Variants in LRRK1 observed in about 807,000 individuals in gnomAD.
LRRK1 encodes leucine-rich repeat serine/threonine-protein kinase 1.
LRRK1 carries 113 observed loss-of-function variants against 209.1 expected under a neutral mutation model. The observed-to-expected ratio is 0.54, with a 90% CI of 0.46 to 0.63. The LOEUF is 0.63. LRRK1 is among the 30% of genes least tolerant of loss of function. The pLI is 0.00. For synonymous variants in LRRK1, 1,144 were observed against 1,099.7 expected (o/e 1.04, Z -0.80); for missense variants, 2,284 against 2,632.2 (o/e 0.87, Z 2.89).
chr15:100,927,743 A>G (rs566492318), intron 2 of LRRK1, among the ~76,000 whole-genome samples: 57 of 152,310 alleles, frequency 3.7e-4, no homozygotes, highest in Non-Finnish European at 5.6e-4. Flanking sequence ...CCAAATCCTC[A>G]TAAGGAATCT....
At chr15:101,030,980 T>C (rs4965763) in intron 20 of LRRK1, among the ~76,000 whole-genome samples, 147,741 of 152,256 alleles carry the variant, frequency 0.97, 71,833 homozygotes, top group East Asian at 1. Context: ...AGCTTAGCTC[T>C]CACATATCAG....
chr15:101,049,159 T>C (rs2035252407), intron 22 of LRRK1, among the ~76,000 whole-genome samples: 1 of 152,150 alleles, frequency 6.6e-6, no homozygotes, highest in African/African-American at 2.4e-5. Flanking sequence ...CCCAACAGGT[T>C]TAACGAATGA....
chr15:100,973,279 G>A (rs958059503), intron 2 of LRRK1, among the ~76,000 whole-genome samples: 1 of 152,248 alleles, frequency 6.6e-6, no homozygotes, highest in African/African-American at 2.4e-5. Context: ...GTCCCCCATC[G>A]TTACGCAGCG....
intron 26 of LRRK1, among the ~76,000 whole-genome samples, chr15:101,054,516 GTATC>G (rs769036707): frequency 6.6e-6 from 1 of 152,220 alleles, no homozygotes; most frequent in African/African-American, 2.4e-5. Flanking sequence ...GGAATATAAA[GTATC>G]TAAGGGCCAG....
intron 1 of LRRK1, chr15:100,920,269 G>T (rs1325801779): frequency 6.6e-6 from 1 of 152,248 alleles, no homozygotes; most frequent in Non-Finnish European, 1.5e-5. Context: ...GAGAAACGGG[G>T]GCATATAGCT....
chr15:101,014,480 C>T lies in LRRK1; in HGVS notation c.1532+52C>T, dbSNP rs74344822. On this transcript the variant is annotated intron_variant, in intron 11 of 33. Transcript: ENST00000388948. Reference sequence around the variant, plus strand: ...CAGTTCCAAAGCGTGTGTGGGGCCACGGTCGAGCAGGTCCTCTGAATGGTG... The same window carrying T: ...CAGTTCCAAAGCGTGTGTGGGGCCATGGTCGAGCAGGTCCTCTGAATGGTG... 3.4e-3 allele frequency: 4,270 copies of T among 1,245,728 alleles called. 88 individuals are homozygous for T. In the African/African-American group the frequency reaches 0.055, roughly 16 times the overall value. 77.2% of individuals were successfully genotyped at this position (1,245,728 alleles called of 1,614,324 possible).
At chr15:101,068,559 A>G (rs1332096970) in intron 33 of LRRK1, 112 bp from the exon 34 acceptor site, 2 of 1,126,244 alleles carry the variant, frequency 1.8e-6, no homozygotes, top group African/African-American at 3.1e-5. Context: ...AAGCAGACAC[A>G]CTCCCCTGCC....
chr15:100,963,634 G>A (rs540651461), intron 2 of LRRK1, among the ~76,000 whole-genome samples: 25 of 152,306 alleles, frequency 1.6e-4, no homozygotes, highest in African/African-American at 5.5e-4. Flanking sequence ...GTCCTGGCTC[G>A]GGAGTAGTCT....
At chr15:100,941,367 C>CGT (rs1567190857) in intron 2 of LRRK1, among the ~76,000 whole-genome samples, 2 of 22,136 alleles carry the variant, frequency 9.0e-5, no homozygotes, top group African/African-American at 3.9e-4. Context: ...TGTGTGTGTG[C>CGT]CTGTATGTGT....
chr15:100,998,140 A>G (rs2032506887), intron 6 of LRRK1, among the ~76,000 whole-genome samples: 1 of 151,040 alleles, frequency 6.6e-6, no homozygotes. Context: ...AGATAGTGCC[A>G]TTGCACTTCA....
At chr15:100,921,553 G>A (rs2042022241) in intron 1 of LRRK1, among the ~76,000 whole-genome samples, 1 of 72,570 alleles carries the variant, frequency 1.4e-5, no homozygotes, top group Non-Finnish European at 2.6e-5. Flanking sequence ...ACTTCTAACT[G>A]ATATCGACAG....
intron 4 of LRRK1, among the ~76,000 whole-genome samples, chr15:100,988,386 A>G (rs2031983728): frequency 6.6e-6 from 1 of 152,136 alleles, no homozygotes; most frequent in Non-Finnish European, 1.5e-5. Context: ...CTTATAAGTG[A>G]TAACATGCAG....
Position 100,950,207 on chromosome 15 carries a change from A to C in LRRK1, c.98-23597A>C, listed in dbSNP as rs191460696. On this transcript the variant is annotated intron_variant, in intron 2 of 33. Transcript: ENST00000388948. ...TTGTGGTTGTATGAATTATCACTTA[A>C]CAATCTGAAAATTTAATTAAGAAAA... Among the ~76,000 whole-genome samples, 1,387 of 145,074 alleles carry C rather than the reference A, an allele frequency of 9.6e-3. 8 individuals carry two copies. The highest frequency in any genetic ancestry group is 0.014 in the Non-Finnish European group (959 of 66,500).
intron 6 of LRRK1, among the ~76,000 whole-genome samples, chr15:101,007,749 G>T (rs2033030697): frequency 6.6e-6 from 1 of 152,184 alleles, no homozygotes; most frequent in African/African-American, 2.4e-5. Context: ...GGCTCTCTCG[G>T]GTTGGTCCTA....
chr15:101,038,802 C>T (rs1250970272), intron 20 of LRRK1, among the ~76,000 whole-genome samples: 1 of 152,196 alleles, frequency 6.6e-6, no homozygotes, highest in Non-Finnish European at 1.5e-5. Context: ...TTGAAGCCGT[C>T]CCTCCCAGCA....
In LRRK1 at chr15:101,053,399, G is replaced by T. The variant is rs2035594377; in HGVS notation, c.4033G>T (p.Val1345Leu). The T allele has an allele frequency of 1.3e-6, 2 of 1,598,000 alleles. No individual in the cohort carries two copies. The highest frequency in any genetic ancestry group is 1.1e-5 in the South Asian group (1 of 90,764). ...ELAPLSSLNT[V>L]LSENARDSSF... Reference sequence around the variant, plus strand: ...CGCGCCGCTCAGCAGCCTCAACACCGTGCTGTCCGAGAACGCCAGAGGTAC... The same window carrying T: ...CGCGCCGCTCAGCAGCCTCAACACCTTGCTGTCCGAGAACGCCAGAGGTAC... The change falls in exon 26 of 34, where the codon GTG becomes TTG. Residue 1345 changes from valine to leucine, a missense_variant. Val to Leu is a conservative substitution (Grantham distance 32). Transcript: ENST00000388948.
chr15:100,950,684 TAATC>T (rs1567196087), intron 2 of LRRK1, among the ~76,000 whole-genome samples: 1 of 152,226 alleles, frequency 6.6e-6, no homozygotes, highest in South Asian at 2.1e-4. Context: ...TCAATAGACA[TAATC>T]AAGAAAGTGA....
chr15:100,978,649 A>G (rs1327737654), intron 3 of LRRK1, among the ~76,000 whole-genome samples: 2 of 152,230 alleles, frequency 1.3e-5, no homozygotes, highest in Non-Finnish European at 2.9e-5. Context: ...ACATTGGACA[A>G]CTTAGATGAA....
rs756852396 is a variant in LRRK1 at position 101,066,698 on chromosome 15, C to T, written c.5827C>T (p.Arg1943Ter). The T allele has an allele frequency of 1.9e-6, 3 of 1,614,172 alleles. No individual in the cohort carries two copies. The highest frequency in any genetic ancestry group is 2.2e-5 in the East Asian group (1 of 44,888). ...GAAGGATTCTGGCGCCCAGCGGGGC[C>T]GAGTCATTGCCGTCTTAAAAGCCCG... is the stretch of plus-strand genomic sequence containing the variant. ...LEKDSGAQRG[R>*]VIAVLKAREL... is the part of the protein sequence containing the mutation. Residue 1943 changes from arginine to a stop codon, truncating the protein, a stop_gained, in exon 33 of 34, where the codon CGA becomes TGA. Transcript: ENST00000388948. LOFTEE classifies it high-confidence loss of function.
Sources: allele counts gnomAD v4.1 joint callset (sites outside exome capture counted in the v4.1 genomes callset), GRCh38; gene constraint gnomAD v4.1.1; transcripts MANE v1.5; gene names NCBI Gene and HGNC (gene_info 2026-07-23, HGNC 2026-07-21).